MUC5B: variants seen among roughly 807,000 people sequenced by gnomAD.
MUC5B encodes the protein mucin-5B.
In MUC5B, 116 loss-of-function variants were observed where a neutral mutation model predicts 376.9. The ratio of observed to expected loss-of-function variants is 0.31; its 90% CI spans 0.26 to 0.36. The LOEUF (loss-of-function observed/expected upper bound fraction) is 0.36. MUC5B is among the 10% of genes least tolerant of loss of function. MUC5B has a pLI of 1.00. For missense variants in MUC5B, 7,165 were observed against 7,769.9 expected (o/e 0.92, Z 2.93); for synonymous variants, 3,517 against 3,390.9 (o/e 1.04, Z -1.29).
intron 19 of MUC5B, 104 bp downstream of exon 19, chr11:1,233,952 C>T (rs895461637): frequency 2.6e-4 from 312 of 1,218,074 alleles, no homozygotes; most frequent in Middle Eastern, 1.9e-3. Flanking sequence ...TGAACCCTGC[C>T]GGGCCAGGTC....
intron 37 of MUC5B, 72 bp from the exon 38 acceptor site, chr11:1,256,084 T>G (rs1480267720): frequency 4.3e-6 from 3 of 694,106 alleles, no homozygotes; most frequent in Non-Finnish European, 8.0e-6. Flanking sequence ...CTGAGTGTCC[T>G]GTGCGGTGAT....
chr11:1,226,220 C>T lies in MUC5B; in HGVS notation c.143C>T (p.Ser48Leu), dbSNP rs760201771. ...HTMDGGAPTS[S>L]PTRRVSFVPP... ...TCACCCACAGGTGCCCCGACGTCCT[C>T]GCCCACCCGGCGCGTGAGCTTTGTT... The change falls in exon 3 of 49, where the codon TCG becomes TTG. Residue 48 changes from serine (S) to leucine (L), a missense_variant. Coordinates refer to ENST00000529681, the MANE Select transcript of MUC5B (RefSeq NM_002458.3). 49 of 1,553,664 alleles carry T rather than the reference C, an allele frequency of 3.2e-5. No individual in the cohort carries two copies. In the African/African-American group the frequency reaches 3.3e-4, roughly 10 times the overall value.
rs772886081 is a variant in MUC5B, at chr11:1,262,087, C to A, written c.*479C>A. 3.8e-6 allele frequency: 2 copies of A among 529,572 alleles called. No homozygotes were observed. Among genetic ancestry groups the A allele is most frequent in the East Asian group, 1.1e-4 (2 of 18,486 alleles). 32.8% of individuals were successfully genotyped at this position (529,572 alleles called of 1,614,324 possible). On this transcript the variant is annotated 3_prime_UTR_variant, in exon 49 of 49. Coordinates refer to ENST00000529681, the MANE Select transcript of MUC5B (RefSeq NM_002458.3). The stretch of plus-strand genomic sequence containing the variant: ...GGGTAACTCAGGGCTGAGGTCGCAA[C>A]GGCCAGGTCAGAGAGGGGTCAGCAT...
At chr11:1,233,397 A>G in intron 18 of MUC5B, 129 bp downstream of exon 18, 3 of 1,086,134 alleles carry the variant, frequency 2.8e-6, no homozygotes, top group Non-Finnish European at 3.8e-6. Context: ...AGAGTGGGGC[A>G]GGGTGGACCC....
rs1224164269 is a variant in MUC5B at position 1,258,439 on chromosome 11, G to C, written c.16593+72G>C. 4 of 1,548,650 alleles carry C rather than the reference G, an allele frequency of 2.6e-6. No homozygotes were observed. The South Asian group carries it at 3.5e-5, about 14-fold the overall frequency. On this transcript the variant is annotated intron_variant, in intron 43 of 48. Coordinates refer to ENST00000529681, the MANE Select transcript of MUC5B (RefSeq NM_002458.3). The surrounding 1 kb of genome is among the most constrained non-coding windows in gnomAD (Gnocchi z 5.5). Reference sequence around the variant, plus strand: ...TGTGTGGGATGCCCCGGGGCTCTCTGAGCCCCACTCCTTGTCTTGACATTC... The same window carrying C: ...TGTGTGGGATGCCCCGGGGCTCTCTCAGCCCCACTCCTTGTCTTGACATTC...
intron 48 of MUC5B, 126 bp from the exon 49 acceptor site, chr11:1,261,263 A>G: frequency 1.3e-6 from 1 of 785,862 alleles, no homozygotes; most frequent in South Asian, 1.7e-5. Flanking sequence ...CCCACAGAGC[A>G]GGCCACTGTG....
intron 13 of MUC5B, 112 bp downstream of exon 13, chr11:1,231,117 A>AG (rs2133810923): frequency 9.4e-7 from 1 of 1,067,606 alleles, no homozygotes; most frequent in Admixed American, 2.7e-5. Flanking sequence ...GGCCTCGGGC[A>AG]GCTCCAGGAG....
intron 34 of MUC5B, 102 bp from the exon 35 acceptor site, chr11:1,254,591 AG>A (rs756256054): frequency 3.1e-6 from 4 of 1,303,980 alleles, no homozygotes; most frequent in African/African-American, 3.0e-5. Flanking sequence ...GGGGATACAC[AG>A]GGGGGTCTCT....
chr11:1,248,682 C>A lies in MUC5B; in HGVS notation c.11802C>A (p.Pro3934=). ...TGGCCACTGGTTCTATGGCAACACCCTCCTCTAGCACACAGACCAGTGGTA... is the reference window on the plus strand; with the variant it reads ...TGGCCACTGGTTCTATGGCAACACCATCCTCTAGCACACAGACCAGTGGTA... The part of the protein sequence containing the change: ...TTVATGSMAT[P]SSSTQTSGTP... Residue 3934 remains proline, a synonymous_variant, in exon 31 of 49, where the codon CCC becomes CCA. Coordinates refer to ENST00000529681, the MANE Select transcript of MUC5B (RefSeq NM_002458.3). 1.9e-6 allele frequency: 3 copies of A among 1,589,718 alleles called. No homozygotes were observed. The highest frequency in any genetic ancestry group is 2.6e-6 in the Non-Finnish European group (3 of 1,168,656).
At chr11:1,255,018 C>T (rs1375812648) in intron 35 of MUC5B, 23 bp from the exon 36 acceptor site, 26 of 1,563,274 alleles carry the variant, frequency 1.7e-5, no homozygotes, top group African/African-American at 4.1e-5. Flanking sequence ...ATTCCAGCCC[C>T]GCGGTGACGC....
chr11:1,223,807 G>A (rs1861814125), intron 1 of MUC5B, among the ~76,000 whole-genome samples: 1 of 152,258 alleles, frequency 6.6e-6, no homozygotes, highest in African/African-American at 2.4e-5. Context: ...CTTGGCCAGA[G>A]CCGCAGCATT....
chr11:1,243,371 C>T lies in MUC5B; in HGVS notation c.6491C>T (p.Thr2164Ile), dbSNP rs1393214473. 2.0e-6 allele frequency: 3 copies of T among 1,533,558 alleles called. No homozygotes were observed. Among genetic ancestry groups the T allele is most frequent in the Non-Finnish European group, 2.7e-6 (3 of 1,131,136 alleles). 95.0% of individuals were successfully genotyped at this position (1,533,558 alleles called of 1,614,324 possible). The part of the protein sequence containing the change: ...GTTPIPPVLT[T>I]TATTPAATSN... ...ACTCCCATCCCCCCAGTGCTGACCA[C>T]CACCGCCACCACACCTGCAGCCACC... Residue 2164 changes from threonine to isoleucine, a missense_variant, in exon 31 of 49, where the codon ACC becomes ATC. Around this residue, in one of 31 missense-constraint regions of MUC5B, gnomAD observed 897 missense variants for 779.6 expected, o/e 1.15. Transcript: ENST00000529681.
intron 32 of MUC5B, 142 bp downstream of exon 32, chr11:1,252,666 T>C: frequency 7.2e-7 from 1 of 1,384,300 alleles, no homozygotes; most frequent in Non-Finnish European, 9.6e-7. Context: ...ACACAGGGCC[T>C]AGGGGCCAGG....
Position 1,232,736 on chromosome 11 carries a change from C to G in MUC5B, c.2031C>G (p.Gly677=), listed in dbSNP as rs749562501. The change falls in exon 17 of 49, where the codon GGC becomes GGG. Residue 677 remains glycine, a synonymous_variant. Transcript: ENST00000529681. ...SSYVHACAAK[G]VQLSDWRDGV... ...ATGTGCACGCCTGTGCCGCCAAGGG[C>G]GTACAGCTCAGCGACTGGAGGGACG... 6.2e-7 allele frequency: 1 copy of G among 1,600,722 alleles called. No homozygotes were observed. Among genetic ancestry groups the G allele is most frequent in the Non-Finnish European group, 8.5e-7 (1 of 1,173,488 alleles).
intron 47 of MUC5B, 66 bp from the exon 48 acceptor site, chr11:1,260,560 C>A: frequency 6.6e-7 from 1 of 1,510,708 alleles, no homozygotes; most frequent in Non-Finnish European, 9.1e-7. Context: ...GAGGGTCGGC[C>A]CAGCAAGTCC....
chr11:1,246,288 A>G lies in MUC5B; in HGVS notation c.9408A>G (p.Thr3136=), dbSNP rs1862463725. The change falls in exon 31 of 49, where the codon ACA becomes ACG. Residue 3136 remains threonine, a synonymous_variant. Coordinates refer to ENST00000529681, the MANE Select transcript of MUC5B (RefSeq NM_002458.3). ...SSTPGTTWIL[T]ELTTAATTTA... ...CTCCGGGGACGACCTGGATCCTCAC[A>G]GAGCTGACCACAGCAGCCACTACAA... 3 of 1,610,810 alleles carry G rather than the reference A, an allele frequency of 1.9e-6. No individual in the cohort carries two copies. Among genetic ancestry groups the G allele is most frequent in the Middle Eastern group, 3.3e-4 (2 of 6,052 alleles).
intron 14 of MUC5B, 135 bp from the exon 15 acceptor site, chr11:1,231,861 G>GAGGGTTCTGGGAGC: frequency 7.9e-7 from 1 of 1,262,762 alleles, no homozygotes. Flanking sequence ...CTTATCTGCA[G>GAGGGTTCTGGGAGC]AGGGTTCTGG....
Position 1,249,575 on chromosome 11 carries a change from C to T in MUC5B, c.12695C>T (p.Pro4232Leu), listed in dbSNP as rs373850484. ...CCNYGHCPST[P>L]ATSSTAMPSS... ...AACTACGGCCACTGCCCCAGCACCC[C>T]GGCCACCAGCTCTACGGCCATGCCC... Residue 4232 changes from proline (P) to leucine (L), a missense_variant, in exon 31 of 49, where the codon CCG becomes CTG. Physicochemically the swap from Pro to Leu is moderately conservative, Grantham distance 98. Around this residue, in one of 31 missense-constraint regions of MUC5B, gnomAD observed 38 missense variants for 72.5 expected, o/e 0.52. Transcript: ENST00000529681. 203 of 1,612,656 alleles carry T rather than the reference C, an allele frequency of 1.3e-4. 1 individual carries two copies. The highest frequency in any genetic ancestry group is 1.1e-3 in the African/African-American group (81 of 74,904).
In MUC5B at chr11:1,250,946, C is replaced by T. The variant is rs1862666516; in HGVS notation, c.14066C>T (p.Ala4689Val). Residue 4689 changes from alanine to valine, a missense_variant, in exon 31 of 49, where the codon GCC (alanine) becomes GTC (valine). Around this residue, in one of 31 missense-constraint regions of MUC5B, gnomAD observed 730 missense variants for 592.7 expected, o/e 1.23. Coordinates refer to ENST00000529681, the MANE Select transcript of MUC5B (RefSeq NM_002458.3). Reference protein sequence around the residue: ...SLTTTATTITATGSTTNPSST... With the variant: ...SLTTTATTITVTGSTTNPSST... ...ACCACCACGGCCACTACGATCACGG[C>T]CACCGGCTCCACCACCAACCCCTCC... The T allele has an allele frequency of 1.2e-6, 2 of 1,608,306 alleles. No homozygotes were observed. Among genetic ancestry groups the T allele is most frequent in the African/African-American group, 1.3e-5 (1 of 74,564 alleles).
Sources: allele counts gnomAD v4.1 joint callset (sites outside exome capture counted in the v4.1 genomes callset), GRCh38; gene constraint gnomAD v4.1.1; regional missense constraint gnomAD v4.1.1; non-coding constraint Gnocchi (gnomAD v3.1); transcripts MANE v1.5; gene names NCBI Gene and HGNC (gene_info 2026-07-23, HGNC 2026-07-21).